Variants in SLC9A4 observed in about 807,000 individuals in gnomAD.
The protein encoded by SLC9A4 is sodium/hydrogen exchanger 4.
A neutral mutation model predicts 67.4 loss-of-function variants in SLC9A4; 63 were observed. The ratio of observed to expected loss-of-function variants is 0.93; its 90% CI spans 0.76 to 1.15. The LOEUF (loss-of-function observed/expected upper bound fraction) is 1.15, where lower values mean the gene tolerates loss of function less well. Ranked by LOEUF, SLC9A4 falls within the 50% of genes most tolerant of loss-of-function variation. SLC9A4 has a pLI of 0.00. For synonymous variants in SLC9A4, 393 were observed against 367.2 expected (o/e 1.07, Z -0.80); for missense variants, 1,089 against 987.7 (o/e 1.10, Z -1.38).
At chr2:102,528,404 C>T (rs1029202250) in intron 11 of SLC9A4, among the ~76,000 whole-genome samples, 1 of 148,120 alleles carries the variant, frequency 6.8e-6, no homozygotes. Flanking sequence ...ACAGTTCTTT[C>T]TTTTTTTTTT....
At chr2:102,529,749 C>G (rs1000684072) in intron 11 of SLC9A4, among the ~76,000 whole-genome samples, 1 of 152,166 alleles carries the variant, frequency 6.6e-6, no homozygotes, top group African/African-American at 2.4e-5. Context: ...GGCTAACCCA[C>G]CTGAAACTTG....
intron 2 of SLC9A4, among the ~76,000 whole-genome samples, chr2:102,482,669 T>C (rs1684490835): frequency 6.6e-6 from 1 of 152,172 alleles, no homozygotes; most frequent in South Asian, 2.1e-4. Context: ...ATTTGGTTAC[T>C]CTCACCCGCA....
At position 102,533,739 on chromosome 2, in the gene SLC9A4, C is replaced by A. The variant is rs565080695; in HGVS notation, c.*1051C>A. 241 of 147,284 alleles carry A rather than the reference C, an allele frequency of 1.6e-3. No individual in the cohort carries two copies. Among genetic ancestry groups the A allele is most frequent in the African/African-American group, 5.9e-3 (234 of 39,894 alleles). 9.1% of individuals were successfully genotyped at this position (147,284 alleles called of 1,614,324 possible). ...ATTCCCACCTATGAGTGAGAATATGCGGTGTTTGGTTTTTTGTTCTTGGGA... is the reference window on the plus strand; with the variant it reads ...ATTCCCACCTATGAGTGAGAATATGAGGTGTTTGGTTTTTTGTTCTTGGGA... On this transcript the variant is annotated 3_prime_UTR_variant, in exon 12 of 12. Transcript: ENST00000295269.
chr2:102,505,648 C>G (rs1401923736), intron 4 of SLC9A4, 177 bp downstream of exon 4: 1 of 612,336 alleles, frequency 1.6e-6, no homozygotes, highest in African/African-American at 1.8e-5. Flanking sequence ...TCAGTCAGCT[C>G]AAAGTAATTA....
chr2:102,496,829 G>T (rs906507188), intron 2 of SLC9A4, among the ~76,000 whole-genome samples: 1 of 152,224 alleles, frequency 6.6e-6, no homozygotes, highest in African/African-American at 2.4e-5. Flanking sequence ...TCCCAGAACT[G>T]GGATTAATCA....
At chr2:102,530,540 G>T (rs4851615) in intron 11 of SLC9A4, among the ~76,000 whole-genome samples, 75,298 of 152,062 alleles carry the variant, frequency 0.5, 19,801 homozygotes, top group Admixed American at 0.58. Flanking sequence ...CCTAGAGCTT[G>T]GAGTCCACTG....
chr2:102,528,604 C>A (rs907671368), intron 11 of SLC9A4, among the ~76,000 whole-genome samples: 1 of 152,068 alleles, frequency 6.6e-6, no homozygotes, highest in Non-Finnish European at 1.5e-5. Flanking sequence ...ATACTGCATG[C>A]CTATGGTAGC....
Position 102,473,947 on chromosome 2 carries a change from A to T in SLC9A4, c.188A>T (p.Asp63Val). 2 of 1,614,068 alleles carry T rather than the reference A, an allele frequency of 1.2e-6. No individual in the cohort carries two copies. The highest frequency in any genetic ancestry group is 1.7e-6 in the Non-Finnish European group (2 of 1,179,946). The change falls in exon 1 of 12, where the codon GAT becomes GTT. Residue 63 changes from aspartate (D) to valine (V), a missense_variant. Asp to Val is a radical substitution (Grantham distance 152, BLOSUM62 -3). Transcript: ENST00000295269. Reference protein sequence around the residue: ...PEEGISVFELDYDYVQIPYEV... With the variant: ...PEEGISVFELVYDYVQIPYEV... ...GAAGGGATATCTGTTTTTGAACTGG[A>T]TTATGACTATGTGCAAATTCCTTAT...
At chr2:102,491,280 C>A (rs10203707) in intron 2 of SLC9A4, among the ~76,000 whole-genome samples, 66,891 of 139,606 alleles carry the variant, frequency 0.48, 16,363 homozygotes, top group Admixed American at 0.58. Flanking sequence ...GCTTTTTCAA[C>A]TGAATTTTTT....
chr2:102,485,174 A>T (rs1684560787), intron 2 of SLC9A4, among the ~76,000 whole-genome samples: 1 of 152,218 alleles, frequency 6.6e-6, no homozygotes, highest in African/African-American at 2.4e-5. Flanking sequence ...GACTTAGCAG[A>T]TCGCCATGTG....
chr2:102,509,124 C>T (rs1354503046), intron 6 of SLC9A4, among the ~76,000 whole-genome samples, 191 bp downstream of exon 6: 1 of 152,190 alleles, frequency 6.6e-6, no homozygotes, highest in African/African-American at 2.4e-5. Flanking sequence ...GATCTATTGT[C>T]TTATAGTTCT....
At chr2:102,476,662 C>A (rs950938994) in intron 1 of SLC9A4, among the ~76,000 whole-genome samples, 1 of 151,124 alleles carries the variant, frequency 6.6e-6, no homozygotes, top group African/African-American at 2.4e-5. Context: ...TAAGCACTAA[C>A]TGAAGAAGGA....
chr2:102,518,297 GT>G (rs1427449324), intron 8 of SLC9A4, among the ~76,000 whole-genome samples: 1 of 152,170 alleles, frequency 6.6e-6, no homozygotes, highest in Non-Finnish European at 1.5e-5. Context: ...CTATTAGGTT[GT>G]TTCATAATGA....
intron 2 of SLC9A4, among the ~76,000 whole-genome samples, chr2:102,484,127 C>T (rs1684534826): frequency 6.6e-6 from 1 of 151,986 alleles, no homozygotes; most frequent in African/African-American, 2.4e-5. Context: ...TACTAAGAGG[C>T]ATGACCAAGT....
chr2:102,502,629 G>A (rs576282219), intron 2 of SLC9A4, among the ~76,000 whole-genome samples: 22 of 152,336 alleles, frequency 1.4e-4, no homozygotes, highest in African/African-American at 5.3e-4. Context: ...AGAGAAGTTG[G>A]CTGCTTTATC....
chr2:102,512,218 A>G lies in SLC9A4; in HGVS notation c.1504A>G (p.Lys502Glu). Residue 502 changes from lysine to glutamate, a missense_variant, in exon 7 of 12, where the codon AAG (lysine) becomes GAG (glutamate). Coordinates refer to ENST00000295269, the MANE Select transcript of SLC9A4 (RefSeq NM_001011552.4). ...TGTTTGGCAGCTGATGGATCACTTA[A>G]AGGCTGGAATCGAAGATGTGTGTGG... The part of the protein sequence containing the change: ...ELHIRLMDHL[K>E]AGIEDVCGHW... The G allele has an allele frequency of 6.2e-7, 1 of 1,614,102 alleles. No homozygotes were observed. Among genetic ancestry groups the G allele is most frequent in the Non-Finnish European group, 8.5e-7 (1 of 1,179,974 alleles).
Position 102,505,279 on chromosome 2 carries a change from A to G in SLC9A4, c.1006A>G (p.Lys336Glu). Reference sequence around the variant, plus strand: ...AATCACAGCCTGCGCAGTAACAATGAAAAAGTACGTGGAAGAAAACGTGTC... The same window carrying G: ...AATCACAGCCTGCGCAGTAACAATGGAAAAGTACGTGGAAGAAAACGTGTC... ...LAITACAVTM[K>E]KYVEENVSQT... The change falls in exon 4 of 12, where the codon AAA (lysine) becomes GAA (glutamate). Residue 336 changes from lysine (K) to glutamate (E), a missense_variant. Coordinates refer to ENST00000295269, the MANE Select transcript of SLC9A4 (RefSeq NM_001011552.4). 1 of 1,614,156 alleles carries G rather than the reference A, an allele frequency of 6.2e-7. No homozygotes were observed. Among genetic ancestry groups the G allele is most frequent in the Non-Finnish European group, 8.5e-7 (1 of 1,180,020 alleles).
intron 4 of SLC9A4, among the ~76,000 whole-genome samples, chr2:102,507,702 C>G (rs146453756): frequency 2.0e-5 from 3 of 152,060 alleles, no homozygotes; most frequent in Non-Finnish European, 2.9e-5. Flanking sequence ...ATGCATTTAT[C>G]CCCCCACCCA....
chr2:102,533,314 A>G lies in SLC9A4; in HGVS notation c.*626A>G, dbSNP rs978463755. 2 of 152,400 alleles carry G rather than the reference A, an allele frequency of 1.3e-5. No individual in the cohort carries two copies. The highest frequency in any genetic ancestry group is 4.8e-5 in the African/African-American group (2 of 41,460). 9.4% of individuals were successfully genotyped at this position (152,400 alleles called of 1,614,324 possible). A position where few individuals can be genotyped will look rare whatever the true frequency, so the allele number is the denominator to read the frequency against. On this transcript the variant is annotated 3_prime_UTR_variant, in exon 12 of 12. Coordinates refer to ENST00000295269, the MANE Select transcript of SLC9A4 (RefSeq NM_001011552.4). ...TGCATACTATAGGATTAATCTGTGA[A>G]CAATGGGTTTACGGTCTATTTCATA...
Sources: allele counts gnomAD v4.1 joint callset (sites outside exome capture counted in the v4.1 genomes callset), GRCh38; gene constraint gnomAD v4.1.1; transcripts MANE v1.5; gene names NCBI Gene and HGNC (gene_info 2026-07-23, HGNC 2026-07-21).